Variants in SLC39A10 observed in about 807,000 individuals in gnomAD.
SLC39A10 encodes the protein zinc transporter ZIP10.
A neutral mutation model predicts 65.1 loss-of-function variants in SLC39A10; 13 were observed. That is an observed-to-expected ratio of 0.20 (90% confidence interval 0.13 to 0.32). The LOEUF is 0.32. SLC39A10 is among the 10% of genes least tolerant of loss of function. The probability of loss-of-function intolerance (pLI) is 1.00; values close to 1 mark genes in which losing one functional copy is unlikely to be tolerated. For missense variants in SLC39A10, 831 were observed against 1,018.4 expected, an observed-to-expected ratio of 0.82 and a Z score of 2.50; for synonymous variants, 321 against 342.2, an observed-to-expected ratio of 0.94 and a Z score of 0.68.
At chr2:195,700,081 A>G (rs1030679977) in intron 3 of SLC39A10, among the ~76,000 whole-genome samples, 2 of 152,120 alleles carry the variant, frequency 1.3e-5, no homozygotes, top group Non-Finnish European at 2.9e-5. Context: ...ATCGTTTTCC[A>G]TCTTTTCAGT....
chr2:195,643,250 T>C (rs1174167183), intron 2 of SLC39A10, among the ~76,000 whole-genome samples: 2 of 152,204 alleles, frequency 1.3e-5, no homozygotes, highest in African/African-American at 4.8e-5. Flanking sequence ...CTAGCAGGAA[T>C]GGAAGCCCAG....
At chr2:195,626,443 G>A (rs1349176092) in intron 2 of SLC39A10, among the ~76,000 whole-genome samples, 1 of 152,068 alleles carries the variant, frequency 6.6e-6, no homozygotes, top group Non-Finnish European at 1.5e-5. Context: ...TATATACTAG[G>A]GCTCCTTTCC....
At chr2:195,638,952 G>GA (rs535608208) in intron 2 of SLC39A10, among the ~76,000 whole-genome samples, 2 of 146,748 alleles carry the variant, frequency 1.4e-5, no homozygotes, top group Non-Finnish European at 3.0e-5. Flanking sequence ...GACCTTGGCA[G>GA]TTTTTTTTTT....
chr2:195,647,022 T>G (rs1256925931), intron 2 of SLC39A10, among the ~76,000 whole-genome samples: 2 of 152,318 alleles, frequency 1.3e-5, no homozygotes, highest in East Asian at 3.9e-4. Context: ...TTTCTCTTTA[T>G]CTTCCTCTGA....
intron 2 of SLC39A10, among the ~76,000 whole-genome samples, chr2:195,649,586 C>T (rs916691005): frequency 6.6e-6 from 1 of 152,074 alleles, no homozygotes; most frequent in Non-Finnish European, 1.5e-5. Flanking sequence ...AACAAATGAG[C>T]CTTTTTAAAA....
chr2:195,638,335 T>A (rs1398058283), intron 2 of SLC39A10, among the ~76,000 whole-genome samples: 1 of 150,920 alleles, frequency 6.6e-6, no homozygotes, highest in African/African-American at 2.4e-5. Flanking sequence ...TTTTTTAAAC[T>A]TTTTTTTTAG....
intron 3 of SLC39A10, among the ~76,000 whole-genome samples, chr2:195,687,287 G>A (rs912604776): frequency 3.3e-5 from 5 of 152,088 alleles, no homozygotes; most frequent in African/African-American, 1.2e-4. Context: ...AGACTGACAA[G>A]ATTGATCTAA....
At chr2:195,644,143 AT>A (rs11356816) in intron 2 of SLC39A10, among the ~76,000 whole-genome samples, 116,350 of 144,940 alleles carry the variant, frequency 0.8, 46,695 homozygotes, top group Non-Finnish European at 0.84. Flanking sequence ...ATGTACATTC[AT>A]TTTTTTTTTT....
At chr2:195,652,555 A>G (rs1009367720), upstream of SLC39A10, among the ~76,000 whole-genome samples, 1 of 151,844 alleles carries the variant, frequency 6.6e-6, no homozygotes, top group Non-Finnish European at 1.5e-5. Context: ...CTTAAAAAAA[A>G]AAAAAAAAAG....
intron 9 of SLC39A10, among the ~76,000 whole-genome samples, chr2:195,734,149 CCTTT>C (rs1459881210): frequency 1.8e-5 from 2 of 110,306 alleles, no homozygotes; most frequent in Non-Finnish European, 1.8e-5. Flanking sequence ...AAAGAATCTT[CCTTT>C]TTTTTTAAAA....
At chr2:195,695,696 C>G (rs761706017) in intron 3 of SLC39A10, among the ~76,000 whole-genome samples, 6 of 152,230 alleles carry the variant, frequency 3.9e-5, no homozygotes, top group Non-Finnish European at 5.9e-5. Context: ...ACATGCTGCT[C>G]TGTCCGAGCA....
At chr2:195,672,630 T>C (rs1689912492) in intron 1 of SLC39A10, among the ~76,000 whole-genome samples, 1 of 152,208 alleles carries the variant, frequency 6.6e-6, no homozygotes, top group Non-Finnish European at 1.5e-5. Context: ...TTTTCCATAA[T>C]AGAGTATGAT....
chr2:195,687,422 A>G (rs1690570657), intron 3 of SLC39A10, among the ~76,000 whole-genome samples: 1 of 152,158 alleles, frequency 6.6e-6, no homozygotes, highest in African/African-American at 2.4e-5. Flanking sequence ...ATATTGCCAT[A>G]ATCAATATAT....
intron 2 of SLC39A10, among the ~76,000 whole-genome samples, chr2:195,631,956 A>G (rs372598925): frequency 2.7e-4 from 41 of 151,222 alleles, no homozygotes; most frequent in Admixed American, 9.9e-4. Context: ...TGGCATGATC[A>G]TGGCTCACTG....
chr2:195,681,935 C>T (rs1225696917), intron 2 of SLC39A10, among the ~76,000 whole-genome samples: 1 of 152,120 alleles, frequency 6.6e-6, no homozygotes. Flanking sequence ...TTCTCTGTGT[C>T]ACTTTATGAT....
At chr2:195,729,807 G>GTTATTT (rs1470820861) in intron 9 of SLC39A10, among the ~76,000 whole-genome samples, 4 of 151,558 alleles carry the variant, frequency 2.6e-5, no homozygotes, top group Non-Finnish European at 5.9e-5. Context: ...TTTGTTTTGG[G>GTTATTT]TTATTTTTTG....
At chr2:195,630,601 G>C (rs1688566334) in intron 2 of SLC39A10, among the ~76,000 whole-genome samples, 1 of 152,204 alleles carries the variant, frequency 6.6e-6, no homozygotes, top group African/African-American at 2.4e-5. Flanking sequence ...AGGCCTGCCA[G>C]AGAGGCCTAA....
intron 8 of SLC39A10, among the ~76,000 whole-genome samples, chr2:195,721,124 T>A (rs1692019994): frequency 6.6e-6 from 1 of 152,028 alleles, no homozygotes; most frequent in Non-Finnish European, 1.5e-5. Flanking sequence ...GTATTTTTGA[T>A]AGATAGGGTG....
chr2:195,634,940 C>T (rs1019732299), intron 2 of SLC39A10, among the ~76,000 whole-genome samples: 2 of 152,086 alleles, frequency 1.3e-5, no homozygotes, highest in Admixed American at 1.3e-4. Context: ...CCTAGCTACT[C>T]GGGAGGCTAA....
Sources: gnomAD v4.1 joint callset for allele counts (sites outside exome capture counted in the v4.1 genomes callset) on GRCh38, gnomAD v4.1.1 for gene constraint, MANE v1.5 for transcripts, NCBI Gene and HGNC (gene_info 2026-07-23, HGNC 2026-07-21) for gene names.